Variants in WWOX observed in about 807,000 individuals in gnomAD.
WWOX encodes WW domain-containing oxidoreductase.
WWOX carries 69 observed loss-of-function variants against 46.2 expected under a neutral mutation model. The ratio of observed to expected loss-of-function variants is 1.49; its 90% CI spans 1.23 to 1.82. The LOEUF (loss-of-function observed/expected upper bound fraction) is 1.82, where lower values mean the gene tolerates loss of function less well. WWOX is among the 40% of genes most tolerant of loss of function. The pLI is 0.00. For missense variants in WWOX, 919 were observed against 542.6 expected, an observed-to-expected ratio of 1.69 and a Z score of -6.89; for synonymous variants, 359 against 202.6, an observed-to-expected ratio of 1.77 and a Z score of -6.56.
chr16:78,774,585 T>A (rs1046237098), intron 8 of WWOX, among the ~76,000 whole-genome samples: 35 of 151,728 alleles, frequency 2.3e-4, no homozygotes, highest in African/African-American at 6.5e-4. Flanking sequence ...CCCACACATA[T>A]GCACATAAGA....
intron 8 of WWOX, among the ~76,000 whole-genome samples, chr16:79,115,196 G>A (rs563982561): frequency 6.6e-6 from 1 of 152,312 alleles, no homozygotes; most frequent in East Asian, 1.9e-4. Context: ...AAATGGGGTT[G>A]CTTGATTTGA....
intron 5 of WWOX, among the ~76,000 whole-genome samples, chr16:78,258,461 C>A (rs9938892): frequency 0.047 from 7,215 of 152,034 alleles, 423 homozygotes; most frequent in East Asian, 0.2. Context: ...AAACTAGATT[C>A]CCACTCGGAT....
chr16:78,660,170 C>CT (rs2047178658), intron 8 of WWOX, among the ~76,000 whole-genome samples: 1 of 151,994 alleles, frequency 6.6e-6, no homozygotes, highest in Non-Finnish European at 1.5e-5. Flanking sequence ...GACTGTGCTG[C>CT]TTTTTTTGTT....
intron 5 of WWOX, among the ~76,000 whole-genome samples, chr16:78,305,734 A>G (rs2080123763): frequency 6.6e-6 from 1 of 152,198 alleles, no homozygotes; most frequent in Non-Finnish European, 1.5e-5. Context: ...CCCACATTAA[A>G]CAATTAGCCC....
At chr16:78,826,716 G>T (rs1316938435) in intron 8 of WWOX, among the ~76,000 whole-genome samples, 1 of 152,176 alleles carries the variant, frequency 6.6e-6, no homozygotes, top group Non-Finnish European at 1.5e-5. Flanking sequence ...AAGTTGCAGG[G>T]ATTTGGATAT....
At chr16:78,738,021 G>C (rs1482684818) in intron 8 of WWOX, among the ~76,000 whole-genome samples, 1 of 152,168 alleles carries the variant, frequency 6.6e-6, no homozygotes, top group African/African-American at 2.4e-5. Flanking sequence ...GTCAGAGCCC[G>C]GTGGACTTCT....
At chr16:78,191,172 C>T (rs900672800) in intron 5 of WWOX, among the ~76,000 whole-genome samples, 1 of 152,152 alleles carries the variant, frequency 6.6e-6, no homozygotes. Flanking sequence ...TGGAGCCTCC[C>T]AAGGCCAAGC....
At chr16:78,741,652 C>A (rs762352036) in intron 8 of WWOX, among the ~76,000 whole-genome samples, 5 of 152,072 alleles carry the variant, frequency 3.3e-5, no homozygotes, top group Non-Finnish European at 7.3e-5. Flanking sequence ...GTCAGGAGTT[C>A]AAGACCAGGC....
At chr16:78,679,426 C>T (rs1031288783) in intron 8 of WWOX, among the ~76,000 whole-genome samples, 6 of 152,124 alleles carry the variant, frequency 3.9e-5, no homozygotes, top group South Asian at 2.1e-4. Flanking sequence ...TGGTGTGGGC[C>T]TGTAATCCCA....
intron 4 of WWOX, among the ~76,000 whole-genome samples, chr16:78,151,722 C>G (rs1187317562): frequency 6.6e-6 from 1 of 152,128 alleles, no homozygotes; most frequent in Non-Finnish European, 1.5e-5. Flanking sequence ...CTTCCTATAG[C>G]AGGCATGTAT....
At chr16:78,993,505 C>T (rs1020248933) in intron 8 of WWOX, among the ~76,000 whole-genome samples, 2 of 152,162 alleles carry the variant, frequency 1.3e-5, no homozygotes, top group African/African-American at 4.8e-5. Flanking sequence ...GACTAATCAG[C>T]ACGCAGGAGC....
At chr16:79,178,616 C>T (rs750835961) in intron 8 of WWOX, among the ~76,000 whole-genome samples, 3 of 152,182 alleles carry the variant, frequency 2.0e-5, no homozygotes, top group Non-Finnish European at 4.4e-5. Flanking sequence ...CACACCCAGC[C>T]TGATTCCTGT....
intron 8 of WWOX, among the ~76,000 whole-genome samples, chr16:78,489,395 C>G (rs1432340213): frequency 6.6e-6 from 1 of 152,118 alleles, no homozygotes; most frequent in African/African-American, 2.4e-5. Flanking sequence ...TGTGGAAGCT[C>G]TCACTGTGAA....
chr16:79,080,342 G>A (rs1261822837), intron 8 of WWOX, among the ~76,000 whole-genome samples: 2 of 151,698 alleles, frequency 1.3e-5, no homozygotes, highest in Non-Finnish European at 3.0e-5. Context: ...TCAGCTATTT[G>A]TATTCCTCTG....
intron 8 of WWOX, among the ~76,000 whole-genome samples, chr16:78,972,732 A>C (rs923500088): frequency 6.6e-6 from 1 of 152,102 alleles, no homozygotes; most frequent in Admixed American, 6.5e-5. Flanking sequence ...CAAGACTCCC[A>C]CTTTATTATT....
chr16:78,356,115 A>T (rs2081283839), intron 5 of WWOX, among the ~76,000 whole-genome samples: 1 of 57,996 alleles, frequency 1.7e-5, no homozygotes, highest in Non-Finnish European at 3.7e-5. Flanking sequence ...TGAACCCGGG[A>T]GGTGGAGGTT....
chr16:78,675,907 A>G (rs113921136), intron 8 of WWOX, among the ~76,000 whole-genome samples: 1 of 152,164 alleles, frequency 6.6e-6, no homozygotes, highest in African/African-American at 2.4e-5. Context: ...TGGAAAATGT[A>G]AGAAGTCATA....
At chr16:79,042,637 A>G (rs1341910244) in intron 8 of WWOX, among the ~76,000 whole-genome samples, 2 of 152,140 alleles carry the variant, frequency 1.3e-5, no homozygotes, top group Non-Finnish European at 2.9e-5. Flanking sequence ...GCTCAAGTGC[A>G]GTTAATCATA....
intron 8 of WWOX, among the ~76,000 whole-genome samples, chr16:78,532,662 A>G (rs1299107680): frequency 1.3e-5 from 2 of 152,208 alleles, no homozygotes; most frequent in Non-Finnish European, 2.9e-5. Flanking sequence ...GAGGCGACAC[A>G]GTGATGGCAG....
Sources: gnomAD v4.1 joint callset for allele counts (sites outside exome capture counted in the v4.1 genomes callset) on GRCh38, gnomAD v4.1.1 for gene constraint, MANE v1.5 for transcripts, NCBI Gene and HGNC (gene_info 2026-07-23, HGNC 2026-07-21) for gene names.